Variants in FAM83B observed in about 807,000 individuals in gnomAD.
FAM83B encodes the protein protein FAM83B.
A neutral mutation model predicts 38.8 loss-of-function variants in FAM83B; 26 were observed. The ratio of observed to expected loss-of-function variants is 0.67; its 90% CI spans 0.49 to 0.93. The LOEUF is 0.93. Ranked by LOEUF, FAM83B falls within the 40% of genes least tolerant of loss-of-function variation. The probability of loss-of-function intolerance (pLI) is 0.00; values close to 1 mark genes in which losing one functional copy is unlikely to be tolerated. For synonymous variants in FAM83B, 419 were observed against 423.1 expected, an observed-to-expected ratio of 0.99 and a Z score of 0.12; for missense variants, 1,237 against 1,197.3, an observed-to-expected ratio of 1.03 and a Z score of -0.49.
intron 2 of FAM83B, among the ~76,000 whole-genome samples, chr6:54,883,940 C>T (rs915874040): frequency 6.6e-6 from 1 of 151,740 alleles, no homozygotes; most frequent in Non-Finnish European, 1.5e-5. Context: ...GAGGCCGAGG[C>T]GGGCAGATCA....
chr6:54,890,614 T>C (rs1018524866), intron 2 of FAM83B, among the ~76,000 whole-genome samples: 4 of 151,908 alleles, frequency 2.6e-5, no homozygotes, highest in African/African-American at 9.7e-5. Flanking sequence ...ATGTGAAATA[T>C]CTCAACTTCA....
In FAM83B at chr6:54,871,745, C is replaced by CAAA. The variant is rs34323872; in HGVS notation, c.444+1079_444+1081dup. On this transcript the variant is annotated intron_variant, in intron 2 of 4. Transcript: ENST00000306858. ...GTGACAGAGCGAGACCCTGTCTCAC[C>CAAA]AAAAAAAAAAAAAAAAAAAAAAAAA... is the stretch of plus-strand genomic sequence containing the variant. 7.3e-3 allele frequency among the ~76,000 whole-genome samples: 213 copies of CAAA among 29,016 alleles called. 39 individuals are homozygous for CAAA. The highest frequency in any genetic ancestry group is 9.3e-3 in the Non-Finnish European group (156 of 16,848). 19.0% of individuals were successfully genotyped at this position (29,016 alleles called of 152,430 possible).
intron 2 of FAM83B, among the ~76,000 whole-genome samples, chr6:54,871,233 GC>G (rs142680341): frequency 0.021 from 3,158 of 152,080 alleles, 45 homozygotes; most frequent in Middle Eastern, 0.061. Flanking sequence ...GCATTTTAAG[GC>G]TTTGGTGTTC....
At chr6:54,888,712 AACTAGGGGAACAG>A (rs1204062322) in intron 2 of FAM83B, among the ~76,000 whole-genome samples, 15 of 151,926 alleles carry the variant, frequency 9.9e-5, no homozygotes, top group Non-Finnish European at 1.9e-4. Flanking sequence ...AACATGATGT[AACTAGGGGAACAG>A]TTTTTAAATT....
intron 4 of FAM83B, among the ~76,000 whole-genome samples, chr6:54,932,740 G>A (rs763661873): frequency 6.6e-6 from 1 of 151,996 alleles, no homozygotes; most frequent in Non-Finnish European, 1.5e-5. Flanking sequence ...TGGATTTTTG[G>A]TGTTTTCAGT....
At chr6:54,865,850 T>A (rs1157450847) in intron 1 of FAM83B, among the ~76,000 whole-genome samples, 1 of 152,064 alleles carries the variant, frequency 6.6e-6, no homozygotes, top group Admixed American at 6.6e-5. Flanking sequence ...TTACAAATTG[T>A]ATGATATTGC....
chr6:54,848,355 G>T (rs915810068), intron 1 of FAM83B, among the ~76,000 whole-genome samples: 7 of 152,196 alleles, frequency 4.6e-5, no homozygotes, highest in Non-Finnish European at 1.0e-4. Flanking sequence ...GCCTGCCTAA[G>T]GGGCTGGGTG....
chr6:54,877,619 T>A (rs745827161), intron 2 of FAM83B, among the ~76,000 whole-genome samples: 21 of 152,380 alleles, frequency 1.4e-4, no homozygotes, highest in Middle Eastern at 3.4e-3. Context: ...TTATGCAATT[T>A]AGTAACAATA....
At chr6:54,861,805 G>T (rs1360966110) in intron 1 of FAM83B, among the ~76,000 whole-genome samples, 1 of 152,114 alleles carries the variant, frequency 6.6e-6, no homozygotes, top group Admixed American at 6.5e-5. Flanking sequence ...CGGTTACAGG[G>T]AAAAGGCCTG....
chr6:54,883,599 G>C (rs1313321116), intron 2 of FAM83B, among the ~76,000 whole-genome samples: 1 of 151,742 alleles, frequency 6.6e-6, no homozygotes, highest in Non-Finnish European at 1.5e-5. Context: ...GCCTCCCAAA[G>C]TGCTGGGATT....
At chr6:54,853,836 G>A (rs1300293125) in intron 1 of FAM83B, among the ~76,000 whole-genome samples, 4 of 152,124 alleles carry the variant, frequency 2.6e-5, no homozygotes, top group African/African-American at 4.8e-5. Context: ...AGCTGCCACA[G>A]GTAAGTGATT....
intron 2 of FAM83B, among the ~76,000 whole-genome samples, chr6:54,914,371 A>T (rs1772986606): frequency 6.6e-6 from 1 of 152,180 alleles, no homozygotes; most frequent in African/African-American, 2.4e-5. Flanking sequence ...TATTGAACCT[A>T]GCACTTACAT....
In FAM83B at chr6:54,870,392, A is replaced by G; in HGVS notation, c.146A>G (p.Gln49Arg). 6.2e-7 allele frequency: 1 copy of G among 1,614,104 alleles called. No homozygotes were observed. Among genetic ancestry groups the G allele is most frequent in the Non-Finnish European group, 8.5e-7 (1 of 1,179,966 alleles). ...GLEAYQEFLV[Q>R]ERVSDFLAEE... ...GAAGCATACCAAGAATTTCTTGTCCAGGAACGAGTTTCAGACTTTCTTGCT... is the reference window on the plus strand; with the variant it reads ...GAAGCATACCAAGAATTTCTTGTCCGGGAACGAGTTTCAGACTTTCTTGCT... The change falls in exon 2 of 5, where the codon CAG becomes CGG. Residue 49 changes from glutamine (Q) to arginine (R), a missense_variant. Transcript: ENST00000306858.
intron 1 of FAM83B, among the ~76,000 whole-genome samples, chr6:54,867,141 TG>T (rs971605514): frequency 2.6e-5 from 4 of 151,682 alleles, no homozygotes; most frequent in Middle Eastern, 3.2e-3. Flanking sequence ...ATATGCTTCC[TG>T]GGAGTTTTTA....
At chr6:54,895,547 C>A (rs552771120) in intron 2 of FAM83B, among the ~76,000 whole-genome samples, 106 of 152,290 alleles carry the variant, frequency 7.0e-4, no homozygotes, top group Admixed American at 1.2e-3. Context: ...TCAGTTATTG[C>A]ACCACAGTTT....
intron 2 of FAM83B, among the ~76,000 whole-genome samples, chr6:54,895,931 G>A (rs925548990): frequency 1.3e-5 from 2 of 152,064 alleles, no homozygotes; most frequent in African/African-American, 4.8e-5. Context: ...TATCACCCAA[G>A]CTGGAGTGCA....
At chr6:54,863,107 CA>C (rs1771625081) in intron 1 of FAM83B, among the ~76,000 whole-genome samples, 1 of 152,050 alleles carries the variant, frequency 6.6e-6, no homozygotes, top group African/African-American at 2.4e-5. Flanking sequence ...GCGGGCAAAA[CA>C]AATACTATTT....
At chr6:54,912,327 A>G (rs1176148059) in intron 2 of FAM83B, among the ~76,000 whole-genome samples, 2 of 151,764 alleles carry the variant, frequency 1.3e-5, no homozygotes, top group South Asian at 2.1e-4. Flanking sequence ...CGTAATAAAC[A>G]GAAGCAACCT....
intron 1 of FAM83B, among the ~76,000 whole-genome samples, chr6:54,865,538 A>G (rs1771679973): frequency 6.6e-6 from 1 of 152,192 alleles, no homozygotes. Flanking sequence ...CAACTCATAA[A>G]GCATTCAATA....
Sources: allele counts gnomAD v4.1 joint callset (sites outside exome capture counted in the v4.1 genomes callset), GRCh38; gene constraint gnomAD v4.1.1; transcripts MANE v1.5; gene names NCBI Gene and HGNC (gene_info 2026-07-23, HGNC 2026-07-21).